The following MEGF6 variants were observed in gnomAD, a reference collection of about 807,000 sequenced individuals.
MEGF6 encodes multiple epidermal growth factor-like domains protein 6.
In MEGF6, 184 loss-of-function variants were observed where a neutral mutation model predicts 207.1. The observed-to-expected ratio is 0.89, with a 90% CI of 0.79 to 1.00. MEGF6 has a LOEUF of 1.00. Among genes scored for constraint, MEGF6 ranks in the 50% least tolerant of loss-of-function variants. MEGF6 has a pLI of 0.00. For synonymous variants in MEGF6, 1,038 were observed against 910.0 expected, an observed-to-expected ratio of 1.14 and a Z score of -2.53; for missense variants, 2,282 against 2,202.9, an observed-to-expected ratio of 1.04 and a Z score of -0.72.
intron 4 of MEGF6, among the ~76,000 whole-genome samples, chr1:3,543,802 G>T (rs1642609239): frequency 6.6e-6 from 1 of 152,224 alleles, no homozygotes; most frequent in Admixed American, 6.5e-5. Context: ...AGGGATACGG[G>T]TCGAGGCCCG....
chr1:3,517,382 T>C (rs1035560992), intron 5 of MEGF6, among the ~76,000 whole-genome samples: 6 of 152,092 alleles, frequency 3.9e-5, no homozygotes, highest in Admixed American at 1.3e-4. Context: ...GGCGGGGGGA[T>C]CAGAGGCAGG....
intron 3 of MEGF6, among the ~76,000 whole-genome samples, chr1:3,581,030 G>A (rs1234194292): frequency 1.3e-5 from 2 of 152,140 alleles, no homozygotes; most frequent in Admixed American, 6.5e-5. Flanking sequence ...GGCACTCGTC[G>A]TCTAAGCAGC....
intron 2 of MEGF6, among the ~76,000 whole-genome samples, chr1:3,598,854 T>G (rs1475051834): frequency 2.8e-5 from 4 of 141,418 alleles, no homozygotes; most frequent in Non-Finnish European, 3.1e-5. Flanking sequence ...CCCCCACCCC[T>G]TCCTTCTCAG....
Position 3,565,589 on chromosome 1 carries a change from G to A in MEGF6, c.481+14236C>T, listed in dbSNP as rs1029080025. The stretch of plus-strand genomic sequence containing the variant: ...TGGCCTGGCCCTGGACGGTCCCCAT[G>A]GTAGGACCTGGGGCACAGCACCAGG... On this transcript the variant is annotated intron_variant, in intron 4 of 36. Coordinates refer to ENST00000356575, the MANE Select transcript of MEGF6 (RefSeq NM_001409.4). The surrounding 1 kb of genome is among the most constrained non-coding windows in gnomAD (Gnocchi z 4.8). Among the ~76,000 whole-genome samples the A allele has an allele frequency of 2.0e-5, 3 of 152,276 alleles. No homozygotes were observed. The highest frequency in any genetic ancestry group is 2.0e-4 in the Admixed American group (3 of 15,314).
intron 4 of MEGF6, among the ~76,000 whole-genome samples, chr1:3,577,838 A>G (rs1254400004): frequency 6.6e-6 from 1 of 152,192 alleles, no homozygotes; most frequent in East Asian, 1.9e-4. Flanking sequence ...AGCCCCCCCA[A>G]CAATGCCAAA....
rs542675069 is a variant in MEGF6, at chr1:3,602,532, C to T, written c.200G>A (p.Ser67Asn). 8 of 1,613,306 alleles carry T rather than the reference C, an allele frequency of 5.0e-6. No individual in the cohort carries two copies. Among genetic ancestry groups the T allele is most frequent in the East Asian group, 2.2e-5 (1 of 44,878 alleles). The change falls in exon 2 of 37, where the codon AGC (serine) becomes AAC (asparagine). Residue 67 changes from serine to asparagine, a missense_variant. Coordinates refer to ENST00000356575, the MANE Select transcript of MEGF6 (RefSeq NM_001409.4). ...GRRQPCVQAL[S>N]HTVPVWKAGC... Reference sequence around the variant, plus strand: ...GGCCTTCCACACCGGCACCGTGTGGCTTAAGGCCTGCACGCACGGCTGGCG... The same window carrying T: ...GGCCTTCCACACCGGCACCGTGTGGTTTAAGGCCTGCACGCACGGCTGGCG...
intron 4 of MEGF6, among the ~76,000 whole-genome samples, chr1:3,545,364 G>GGACT (rs1376351612): frequency 5.3e-5 from 8 of 152,102 alleles, no homozygotes; most frequent in Non-Finnish European, 1.2e-4. Flanking sequence ...CCCTTCTGAG[G>GGACT]GACTGCACAG....
intron 26 of MEGF6, chr1:3,497,644 GCTGAGAGC>G: frequency 1.6e-6 from 1 of 615,222 alleles, no homozygotes; most frequent in Non-Finnish European, 3.0e-6. Context: ...GACAGATAGG[GCTGAGAGC>G]TCAGCCTCTG....
At chr1:3,494,189 G>C in intron 32 of MEGF6, 65 bp from the exon 33 acceptor site, 1 of 1,504,360 alleles carries the variant, frequency 6.6e-7, no homozygotes, top group Non-Finnish European at 8.9e-7. Flanking sequence ...TTTGCCCAGA[G>C]TGAGTAAAAC....
In MEGF6 at chr1:3,573,532, G is replaced by C. The variant is rs1183645388; in HGVS notation, c.481+6293C>G. 6.6e-6 allele frequency among the ~76,000 whole-genome samples: 1 copy of C among 152,204 alleles called. No individual in the cohort carries two copies. The highest frequency in any genetic ancestry group is 1.5e-5 in the Non-Finnish European group (1 of 68,026). ...CCTCCCCAGGAATCAGCCCAGGCTG[G>C]GGCTGCTGCAGGCTGCAGGCCTCTG... On this transcript the variant is annotated intron_variant, in intron 4 of 36. Transcript: ENST00000356575. This position sits in a 1 kb window ranked among gnomAD's most constrained non-coding sequence, Gnocchi z 5.1.
In MEGF6 at chr1:3,497,321, G is replaced by C; in HGVS notation, c.3393C>G (p.Arg1131=). 1 of 1,554,236 alleles carries C rather than the reference G, an allele frequency of 6.4e-7. No homozygotes were observed. ...AGGCAGCGCCAGGCGGGCAGCTGCA[G>C]CGCTGGGCACAGGCCTCTCCAAACC... ...RGWFGEACAQ[R]CSCPPGAACH... The change falls in exon 27 of 37, where the codon CGC becomes CGG. Residue 1131 remains arginine (R), a synonymous_variant. Coordinates refer to ENST00000356575, the MANE Select transcript of MEGF6 (RefSeq NM_001409.4).
Position 3,507,881 on chromosome 1 carries a change from C to T in MEGF6, c.1703G>A (p.Cys568Tyr), listed in dbSNP as rs753719675. The change falls in exon 14 of 37, where the codon TGC becomes TAC. Residue 568 changes from cysteine (C) to tyrosine (Y), a missense_variant. Coordinates refer to ENST00000356575, the MANE Select transcript of MEGF6 (RefSeq NM_001409.4). The stretch of plus-strand genomic sequence containing the variant: ...GCAGGTCCCACCATTCTGACAGCTG[C>T]AGGAGAAGCTGCAGTTCTTCCCAAA... ...DTFGKNCSFS[C>Y]SCQNGGTCDS... is the part of the protein sequence containing the mutation. 2 of 1,612,796 alleles carry T rather than the reference C, an allele frequency of 1.2e-6. No individual in the cohort carries two copies. The highest frequency in any genetic ancestry group is 1.1e-5 in the South Asian group (1 of 91,070).
intron 16 of MEGF6, 24 bp downstream of exon 16, chr1:3,505,398 C>A (rs868797813): frequency 3.0e-5 from 48 of 1,578,946 alleles, no homozygotes; most frequent in Non-Finnish European, 4.0e-5. Flanking sequence ...GCCCCCCGCC[C>A]CCAGACCCCA....
chr1:3,490,813 G>T, intron 36 of MEGF6, 99 bp downstream of exon 36: 1 of 1,437,112 alleles, frequency 7.0e-7, no homozygotes, highest in Non-Finnish European at 9.6e-7. Flanking sequence ...GGGTGCAGCT[G>T]CTGCCCTGTG....
rs768522332 is a variant in MEGF6, at chr1:3,501,195, C to T, written c.2428G>A (p.Gly810Ser). ...CACTCACCGTCCTGGCAGCGGCTGC[C>T]GACGAAGCCAGGGAGGCACAGGCAG... Reference protein sequence around the residue: ...GACLCLPGFVGSRCQDVCPAG... With the variant: ...GACLCLPGFVSSRCQDVCPAG... The change falls in exon 19 of 37, where the codon GGC (glycine) becomes AGC (serine). Residue 810 changes from glycine to serine, a missense_variant. By Grantham distance (56) the Gly-to-Ser change is moderately conservative (BLOSUM62 0). Coordinates refer to ENST00000356575, the MANE Select transcript of MEGF6 (RefSeq NM_001409.4). 3.3e-5 allele frequency: 53 copies of T among 1,612,232 alleles called. No individual in the cohort carries two copies. The highest frequency in any genetic ancestry group is 4.0e-5 in the African/African-American group (3 of 74,894).
intron 4 of MEGF6, among the ~76,000 whole-genome samples, chr1:3,562,454 C>T (rs1643230631): frequency 6.6e-6 from 1 of 152,198 alleles, no homozygotes; most frequent in South Asian, 2.1e-4. Context: ...CCCAAACCCT[C>T]GCATAGTCAA....
rs548550562 is a variant in MEGF6 at position 3,579,754 on chromosome 1, C to T, written c.481+71G>A. 3.7e-4 allele frequency: 429 copies of T among 1,156,330 alleles called. 5 individuals are homozygous for T. The South Asian group carries it at 7.0e-3, about 19-fold the overall frequency. The allele number at this position is 1,156,330 out of a possible 1,614,324, so 71.6% of individuals were successfully genotyped here. On this transcript the variant is annotated intron_variant, in intron 4 of 36. Transcript: ENST00000356575. Reference sequence around the variant, plus strand: ...AGCTGTGCTGGGGACGGCCAGTGGCCGACACATCCTCGCCCCTTGCCCACA... The same window carrying T: ...AGCTGTGCTGGGGACGGCCAGTGGCTGACACATCCTCGCCCCTTGCCCACA...
intron 5 of MEGF6, among the ~76,000 whole-genome samples, chr1:3,517,746 TGA>T (rs1293624700): frequency 1.3e-5 from 2 of 152,328 alleles, no homozygotes; most frequent in Admixed American, 1.3e-4. Flanking sequence ...CCGGCAAAGC[TGA>T]GTGTGCCCAT....
chr1:3,528,612 AAG>A (rs1642044240), intron 4 of MEGF6, among the ~76,000 whole-genome samples: 1 of 152,092 alleles, frequency 6.6e-6, no homozygotes, highest in African/African-American at 2.4e-5. Context: ...GGGTCCTTAT[AAG>A]AGGGAGGCAG....
Sources: gnomAD v4.1 joint callset for allele counts (sites outside exome capture counted in the v4.1 genomes callset) on GRCh38, gnomAD v4.1.1 for gene constraint, Gnocchi (gnomAD v3.1) non-coding constraint, MANE v1.5 for transcripts, NCBI Gene and HGNC (gene_info 2026-07-23, HGNC 2026-07-21) for gene names.